Variants in PTPRT observed in about 807,000 individuals in gnomAD.
PTPRT encodes receptor-type tyrosine-protein phosphatase T.
In PTPRT, 56 loss-of-function variants were observed where a neutral mutation model predicts 176.8. The ratio of observed to expected loss-of-function variants is 0.32; its 90% CI spans 0.26 to 0.40. The LOEUF (loss-of-function observed/expected upper bound fraction) is 0.40. Ranked by LOEUF, PTPRT falls within the 10% of genes least tolerant of loss-of-function variation. PTPRT has a pLI of 1.00. For missense variants in PTPRT, 1,540 were observed against 1,908.2 expected (o/e 0.81, Z 3.60); for synonymous variants, 783 against 739.0 (o/e 1.06, Z -0.96).
At chr20:42,388,929 TG>T (rs1477533634) in intron 9 of PTPRT, among the ~76,000 whole-genome samples, 2 of 152,128 alleles carry the variant, frequency 1.3e-5, no homozygotes, top group African/African-American at 4.8e-5. Flanking sequence ...TAATACACCG[TG>T]GAATACTATG....
chr20:42,408,294 T>C (rs746354840), intron 9 of PTPRT, among the ~76,000 whole-genome samples: 1 of 152,104 alleles, frequency 6.6e-6, no homozygotes, highest in Non-Finnish European at 1.5e-5. Flanking sequence ...AATAATTTAG[T>C]AGAATAAAAC....
intron 9 of PTPRT, among the ~76,000 whole-genome samples, chr20:42,384,442 C>A (rs983925405): frequency 6.6e-6 from 1 of 152,084 alleles, no homozygotes; most frequent in East Asian, 1.9e-4. Flanking sequence ...AGGGTGTTTC[C>A]ATCTAAGGAA....
intron 2 of PTPRT, among the ~76,000 whole-genome samples, chr20:42,825,980 T>C (rs2077986046): frequency 6.6e-6 from 1 of 152,004 alleles, no homozygotes; most frequent in African/African-American, 2.4e-5. Context: ...GTATAAGAAA[T>C]GTTAAGACAA....
At chr20:42,472,226 A>C in intron 8 of PTPRT, 40 bp downstream of exon 8, 1 of 1,589,456 alleles carries the variant, frequency 6.3e-7, no homozygotes, top group Non-Finnish European at 8.6e-7. Flanking sequence ...GAATAGATTC[A>C]ATATCCCCAT....
chr20:42,719,484 C>T (rs1169263257), intron 6 of PTPRT, among the ~76,000 whole-genome samples: 1 of 152,176 alleles, frequency 6.6e-6, no homozygotes, highest in African/African-American at 2.4e-5. Context: ...AGTGACTTCT[C>T]TCCAACAGCT....
intron 13 of PTPRT, among the ~76,000 whole-genome samples, chr20:42,253,159 G>A (rs944276738): frequency 6.6e-6 from 1 of 152,146 alleles, no homozygotes. Context: ...CCGCTTTTGT[G>A]GCAGAGTCAG....
chr20:42,089,530 C>T (rs1376079469), intron 27 of PTPRT, among the ~76,000 whole-genome samples: 1 of 152,192 alleles, frequency 6.6e-6, no homozygotes, highest in Non-Finnish European at 1.5e-5. Context: ...ATAGATTCTA[C>T]TACGCCTCAA....
At chr20:42,844,355 A>G (rs2078331383) in intron 2 of PTPRT, among the ~76,000 whole-genome samples, 3 of 151,994 alleles carry the variant, frequency 2.0e-5, no homozygotes, top group African/African-American at 7.3e-5. Flanking sequence ...ACTCCTATAA[A>G]CTCATCTTTA....
At chr20:42,849,844 C>T (rs1013605813) in intron 2 of PTPRT, among the ~76,000 whole-genome samples, 9 of 152,196 alleles carry the variant, frequency 5.9e-5, no homozygotes, top group Non-Finnish European at 1.3e-4. Context: ...AACTCCAGGT[C>T]TCCAGATGCC....
intron 1 of PTPRT, among the ~76,000 whole-genome samples, chr20:43,114,776 CATT>C (rs2012991591): frequency 6.6e-6 from 1 of 151,962 alleles, no homozygotes; most frequent in African/African-American, 2.4e-5. Flanking sequence ...TATTAAATGT[CATT>C]ATTCATTAAA....
chr20:42,118,347 T>C (rs1987402271), intron 21 of PTPRT, 56 bp downstream of exon 21: 10 of 1,449,256 alleles, frequency 6.9e-6, no homozygotes, highest in Non-Finnish European at 8.5e-6. Flanking sequence ...AACAAAGAGA[T>C]GTTCGAGAGT....
At chr20:42,576,568 T>G (rs2073265261) in intron 7 of PTPRT, among the ~76,000 whole-genome samples, 1 of 152,194 alleles carries the variant, frequency 6.6e-6, no homozygotes, top group Admixed American at 6.5e-5. Context: ...GGGCTTTGCC[T>G]GCCCTGGTTG....
chr20:43,128,043 A>G (rs911302586), intron 1 of PTPRT, among the ~76,000 whole-genome samples: 1 of 152,240 alleles, frequency 6.6e-6, no homozygotes, highest in Admixed American at 6.5e-5. Context: ...TTTCCATAGT[A>G]GCGGTTATGG....
At chr20:42,513,203 T>TGC (rs1568940706) in intron 7 of PTPRT, among the ~76,000 whole-genome samples, 2 of 64,602 alleles carry the variant, frequency 3.1e-5, no homozygotes, top group African/African-American at 1.9e-4. Context: ...ATTGATGGGG[T>TGC]GTGTGTGTGT....
chr20:43,041,539 A>C (rs1486614416), intron 1 of PTPRT, among the ~76,000 whole-genome samples: 1 of 152,208 alleles, frequency 6.6e-6, no homozygotes, highest in Non-Finnish European at 1.5e-5. Flanking sequence ...GAAAGTACCT[A>C]TAAGAGCCTT....
At chr20:42,747,782 C>T (rs893321635) in intron 6 of PTPRT, among the ~76,000 whole-genome samples, 3 of 152,222 alleles carry the variant, frequency 2.0e-5, no homozygotes, top group Middle Eastern at 3.4e-3. Flanking sequence ...TGGGGCATTA[C>T]AAATCAAGGA....
chr20:42,998,336 C>A (rs1318200510), intron 1 of PTPRT, among the ~76,000 whole-genome samples: 3 of 152,118 alleles, frequency 2.0e-5, no homozygotes, highest in South Asian at 2.1e-4. Context: ...GCATCAAAAC[C>A]TTTCTTAATA....
chr20:42,982,672 G>T (rs1600620100), intron 1 of PTPRT, among the ~76,000 whole-genome samples: 1 of 152,176 alleles, frequency 6.6e-6, no homozygotes. Context: ...GGTGAGCAGG[G>T]CCAGCTCCGT....
intron 2 of PTPRT, among the ~76,000 whole-genome samples, chr20:42,801,768 G>A (rs1446145860): frequency 6.6e-6 from 1 of 152,098 alleles, no homozygotes; most frequent in Admixed American, 6.6e-5. Flanking sequence ...TGTCAGACAG[G>A]GGAAAAGGGA....
Sources: gnomAD v4.1 joint callset for allele counts (sites outside exome capture counted in the v4.1 genomes callset) on GRCh38, gnomAD v4.1.1 for gene constraint, MANE v1.5 for transcripts, NCBI Gene and HGNC (gene_info 2026-07-23, HGNC 2026-07-21) for gene names.